OTOGL: variants seen among roughly 807,000 people sequenced by gnomAD.
The protein encoded by OTOGL is otogelin like, also known as otogelin-like protein.
OTOGL carries 285 observed loss-of-function variants against 318.5 expected under a neutral mutation model. That is an observed-to-expected ratio of 0.89 (90% confidence interval 0.81 to 0.99). OTOGL has a LOEUF of 0.99. Ranked by LOEUF, OTOGL falls within the 50% of genes least tolerant of loss-of-function variation. The pLI is 0.00. For synonymous variants in OTOGL, 987 were observed against 936.5 expected (o/e 1.05, Z -0.99); for missense variants, 2,899 against 2,845.6 (o/e 1.02, Z -0.43).
rs149249642 is a variant in OTOGL at position 80,366,589 on chromosome 12, A to G, written c.6283A>G (p.Ile2095Val). 1,051 of 1,404,176 alleles carry G rather than the reference A, an allele frequency of 7.5e-4. 5 individuals carry two copies. The highest frequency in any genetic ancestry group is 6.9e-3 in the Middle Eastern group (37 of 5,362). 87.0% of individuals were successfully genotyped at this position (1,404,176 alleles called of 1,614,324 possible). Residue 2095 changes from isoleucine to valine, a missense_variant, in exon 53 of 59, where the codon ATA becomes GTA. Around this residue, in one of 3 missense-constraint regions of OTOGL, gnomAD observed 3 missense variants for 16.2 expected, o/e 0.19. Transcript: ENST00000547103. ...TTTTCAATAGGGAGAATTTACTGCAATAGACCATAACTTCCAGAGTGATTG... is the reference window on the plus strand; with the variant it reads ...TTTTCAATAGGGAGAATTTACTGCAGTAGACCATAACTTCCAGAGTGATTG... ...PTCEVGEFTA[I>V]DHNFQSDCGC...
At chr12:80,210,510 A>G (rs964743279) in intron 2 of OTOGL, among the ~76,000 whole-genome samples, 2 of 152,110 alleles carry the variant, frequency 1.3e-5, no homozygotes, top group African/African-American at 4.8e-5. Flanking sequence ...CAACACCATC[A>G]TTTTATGGTG....
intron 32 of OTOGL, among the ~76,000 whole-genome samples, chr12:80,316,593 G>A (rs890067832): frequency 1.3e-5 from 2 of 152,094 alleles, no homozygotes; most frequent in African/African-American, 4.8e-5. Flanking sequence ...ATGAACATGG[G>A]GCATTTGGCC....
chr12:80,293,435 T>C (rs1476560885), intron 26 of OTOGL, among the ~76,000 whole-genome samples: 2 of 152,224 alleles, frequency 1.3e-5, no homozygotes, highest in African/African-American at 4.8e-5. Flanking sequence ...CAACTTTTTA[T>C]GTCTTCTTAC....
At chr12:80,270,066 T>A (rs1311117148) in intron 22 of OTOGL, 36 bp from the exon 23 acceptor site, 12 of 1,484,638 alleles carry the variant, frequency 8.1e-6, no homozygotes, top group Non-Finnish European at 9.2e-6. Flanking sequence ...AAACAACAGA[T>A]TTGGTTCCAT....
intron 27 of OTOGL, among the ~76,000 whole-genome samples, chr12:80,297,434 C>A (rs541431969): frequency 6.6e-6 from 1 of 151,494 alleles, no homozygotes; most frequent in Non-Finnish European, 1.5e-5. Flanking sequence ...TGGGTTCCAG[C>A]GATTCTCTTG....
chr12:80,313,690 AT>A (rs1886798569), intron 31 of OTOGL, 58 bp downstream of exon 31: 1 of 1,395,168 alleles, frequency 7.2e-7, no homozygotes, highest in East Asian at 2.5e-5. Flanking sequence ...ATACATATTA[AT>A]TGTTGATTTA....
chr12:80,140,028 CA>C (rs1204092607), intron 1 of OTOGL, among the ~76,000 whole-genome samples: 4 of 152,158 alleles, frequency 2.6e-5, no homozygotes, highest in Non-Finnish European at 5.9e-5. Flanking sequence ...AAGCCCTGGG[CA>C]AGAATCCCAA....
intron 1 of OTOGL, among the ~76,000 whole-genome samples, chr12:80,130,362 A>C (rs1871164590): frequency 6.6e-6 from 1 of 152,220 alleles, no homozygotes; most frequent in African/African-American, 2.4e-5. Flanking sequence ...ATTTAGTCTG[A>C]AATGTTGATT....
At chr12:80,353,678 A>G (rs1296539570) in intron 46 of OTOGL, among the ~76,000 whole-genome samples, 168 bp downstream of exon 46, 1 of 152,236 alleles carries the variant, frequency 6.6e-6, no homozygotes, top group East Asian at 1.9e-4. Flanking sequence ...AGAGAAGTTA[A>G]TTGTTACAAA....
At chr12:80,270,855 C>A (rs11114379) in intron 23 of OTOGL, among the ~76,000 whole-genome samples, 20,950 of 151,996 alleles carry the variant, frequency 0.14, 1,901 homozygotes, top group African/African-American at 0.26. Context: ...ATTCTAGGCA[C>A]ATAATAAACA....
chr12:80,227,934 C>G lies in OTOGL; in HGVS notation c.490-1323C>G, dbSNP rs142675417. Among the ~76,000 whole-genome samples, 124 of 152,220 alleles carry G rather than the reference C, an allele frequency of 8.1e-4. 1 individual carries two copies. In the East Asian group the frequency reaches 0.022, roughly 27 times the overall value. On this transcript the variant is annotated intron_variant, in intron 7 of 58. Transcript: ENST00000547103. ...AATATTTCTCCTTAATATCATTTAA[C>G]ATAGTATATATTTTAGCTTCACATA...
intron 37 of OTOGL, among the ~76,000 whole-genome samples, chr12:80,330,267 T>A (rs1234311259): frequency 6.6e-6 from 1 of 152,188 alleles, no homozygotes; most frequent in Admixed American, 6.5e-5. Context: ...TTAGCTACCA[T>A]TTGAGTACTA....
chr12:80,141,974 A>G (rs1871975826), intron 1 of OTOGL, among the ~76,000 whole-genome samples: 2 of 152,178 alleles, frequency 1.3e-5, no homozygotes, highest in South Asian at 4.1e-4. Flanking sequence ...TCCATCCTCA[A>G]CCTTCCTTTC....
chr12:80,345,582 A>T (rs938376410), intron 44 of OTOGL, among the ~76,000 whole-genome samples: 2 of 152,160 alleles, frequency 1.3e-5, no homozygotes, highest in African/African-American at 4.8e-5. Context: ...ATAATTTTTC[A>T]TCATGGAAAG....
At chr12:80,323,661 A>G in intron 34 of OTOGL, 62 bp from the exon 35 acceptor site, 1 of 1,257,864 alleles carries the variant, frequency 7.9e-7, no homozygotes, top group Non-Finnish European at 1.2e-6. Context: ...AAGAAAAGGG[A>G]ATTGTTAGTT....
chr12:80,348,049 A>C (rs986068021), intron 44 of OTOGL, among the ~76,000 whole-genome samples: 1 of 152,022 alleles, frequency 6.6e-6, no homozygotes, highest in Non-Finnish European at 1.5e-5. Flanking sequence ...AGATTGCAAA[A>C]ATTTTCTCCC....
intron 57 of OTOGL, among the ~76,000 whole-genome samples, chr12:80,372,837 C>T (rs762320115): frequency 5.9e-5 from 9 of 151,924 alleles, no homozygotes; most frequent in Non-Finnish European, 7.4e-5. Context: ...TACACGCATG[C>T]GCCATCACGT....
intron 1 of OTOGL, among the ~76,000 whole-genome samples, chr12:80,101,143 G>A (rs1869111961): frequency 6.6e-6 from 1 of 152,122 alleles, no homozygotes; most frequent in South Asian, 2.1e-4. Context: ...TGCTTTAAAA[G>A]CACTTAAGAT....
rs567891532 is a variant in OTOGL at position 80,344,988 on chromosome 12, ATATAT to A, written c.5265+2833_5265+2837del. ...TTAAAGAAGGCATTGGCTATATATT[ATATAT>A]TATATTTTATATATTATTATATATT... On this transcript the variant is annotated intron_variant, in intron 44 of 58. Transcript: ENST00000547103. 8.2e-3 allele frequency among the ~76,000 whole-genome samples: 1,168 copies of A among 142,698 alleles called. 19 individuals carry two copies. The highest frequency in any genetic ancestry group is 0.027 in the African/African-American group (1,037 of 38,974). The allele number at this position is 142,698 out of a possible 152,430, so 93.6% of individuals were successfully genotyped here.
Sources: allele counts gnomAD v4.1 joint callset (sites outside exome capture counted in the v4.1 genomes callset), GRCh38; gene constraint gnomAD v4.1.1; regional missense constraint gnomAD v4.1.1; transcripts MANE v1.5; gene names NCBI Gene and HGNC (gene_info 2026-07-23, HGNC 2026-07-21).